The following C19orf18 variants were observed in gnomAD, a reference collection of about 807,000 sequenced individuals.
C19orf18 encodes the protein chromosome 19 open reading frame 18.
C19orf18 carries 21 observed loss-of-function variants against 23.3 expected under a neutral mutation model. That is an observed-to-expected ratio of 0.90 (90% CI 0.64 to 1.30). C19orf18 has a LOEUF of 1.30. Among genes scored for constraint, C19orf18 ranks in the 50% most tolerant of loss-of-function variants. The pLI is 0.00. For missense variants in C19orf18, 249 were observed against 259.6 expected, an observed-to-expected ratio of 0.96 and a Z score of 0.28; for synonymous variants, 96 against 95.2, an observed-to-expected ratio of 1.01 and a Z score of -0.05.
intron 3 of C19orf18, 118 bp from the exon 4 acceptor site, chr19:57,966,750 A>T (rs1477790177): frequency 3.0e-6 from 2 of 656,844 alleles, no homozygotes; most frequent in Non-Finnish European, 5.1e-6. Context: ...CACTTTCAAA[A>T]ATAGCTTGTT....
chr19:57,963,165 T>G (rs1478569696), intron 4 of C19orf18, among the ~76,000 whole-genome samples: 2 of 151,580 alleles, frequency 1.3e-5, no homozygotes, highest in African/African-American at 2.4e-5. Flanking sequence ...TAGCTGGGAT[T>G]ACAGGCATGT....
At chr19:57,967,647 G>A (rs1385911900) in intron 3 of C19orf18, among the ~76,000 whole-genome samples, 3 of 152,040 alleles carry the variant, frequency 2.0e-5, no homozygotes, top group Non-Finnish European at 4.4e-5. Flanking sequence ...AGCTACTCAG[G>A]AGGCTGAGGC....
intron 3 of C19orf18, among the ~76,000 whole-genome samples, chr19:57,970,556 C>A (rs1353008922): frequency 3.3e-5 from 5 of 151,848 alleles, no homozygotes; most frequent in Non-Finnish European, 7.4e-5. Flanking sequence ...ACAATTCTTA[C>A]TATGAGTAAG....
chr19:57,961,333 C>T (rs930037278), intron 5 of C19orf18, 58 bp downstream of exon 5: 18 of 1,476,078 alleles, frequency 1.2e-5, no homozygotes, highest in Admixed American at 4.5e-5. Context: ...AGAAAAGAAA[C>T]GCAAGCTGCC....
At position 57,973,145 on chromosome 19, in the gene C19orf18, C is replaced by CAAAAAAA. The variant is rs61625681; in HGVS notation, c.227-648_227-642dup. ...TGGGTGACAGAGTGAGACTCCGTCT[C>CAAAAAAA]AAAAAAAAAAAAAAAAAAAAAAAAA... On this transcript the variant is annotated intron_variant, in intron 2 of 5. Transcript: ENST00000314391. Among the ~76,000 whole-genome samples, 4 of 24,186 alleles carry CAAAAAAA rather than the reference C, an allele frequency of 1.7e-4. 1 individual carries two copies. Among genetic ancestry groups the CAAAAAAA allele is most frequent in the African/African-American group, 2.8e-4 (2 of 7,138 alleles). The allele number at this position is 24,186 out of a possible 152,430, so 15.9% of individuals were successfully genotyped here. A position where few individuals can be genotyped will look rare whatever the true frequency, so the allele number is the denominator to read the frequency against.
At chr19:57,971,678 C>T (rs2072945481) in intron 3 of C19orf18, among the ~76,000 whole-genome samples, 1 of 152,084 alleles carries the variant, frequency 6.6e-6, no homozygotes. Flanking sequence ...ACCATGTTAG[C>T]CAAGCTGGTC....
At chr19:57,972,023 G>C (rs1014423205) in intron 3 of C19orf18, among the ~76,000 whole-genome samples, 1 of 152,194 alleles carries the variant, frequency 6.6e-6, no homozygotes, top group African/African-American at 2.4e-5. Context: ...CAGGCACTTA[G>C]CAAATGTGCA....
chr19:57,969,896 A>AAAAG (rs1555787468), intron 3 of C19orf18, among the ~76,000 whole-genome samples: 2 of 150,962 alleles, frequency 1.3e-5, no homozygotes, highest in African/African-American at 4.9e-5. Context: ...AAAAAAAAAA[A>AAAAG]GTAATAGCAT....
At chr19:57,969,372 T>C (rs1236372990) in intron 3 of C19orf18, among the ~76,000 whole-genome samples, 5 of 150,724 alleles carry the variant, frequency 3.3e-5, no homozygotes, top group Non-Finnish European at 7.4e-5. Flanking sequence ...CTGGCCAACA[T>C]GGTGAAACCC....
chr19:57,973,911 C>T (rs1408368969), intron 2 of C19orf18, among the ~76,000 whole-genome samples, 188 bp downstream of exon 2: 1 of 152,082 alleles, frequency 6.6e-6, no homozygotes, highest in East Asian at 1.9e-4. Flanking sequence ...AAGTGGCAAT[C>T]CCTAAAGAGA....
At chr19:57,964,493 G>A (rs117003727) in intron 4 of C19orf18, among the ~76,000 whole-genome samples, 4,856 of 152,162 alleles carry the variant, frequency 0.032, 125 homozygotes, top group Non-Finnish European at 0.047. Flanking sequence ...TGTTGCCCAC[G>A]CTGGTCTCAA....
chr19:57,960,424 T>TGGG (rs1210577381), intron 5 of C19orf18, among the ~76,000 whole-genome samples: 1 of 68,936 alleles, frequency 1.5e-5, no homozygotes, highest in Non-Finnish European at 2.6e-5. Flanking sequence ...AGACTCCGCC[T>TGGG]CAAAAAAAAA....
chr19:57,967,158 G>A (rs1224487193), intron 3 of C19orf18, among the ~76,000 whole-genome samples: 1 of 152,126 alleles, frequency 6.6e-6, no homozygotes, highest in Non-Finnish European at 1.5e-5. Flanking sequence ...AGAGACCTGG[G>A]CAGAGGCCAT....
intron 3 of C19orf18, among the ~76,000 whole-genome samples, chr19:57,968,263 C>T (rs1382429563): frequency 1.3e-5 from 2 of 152,208 alleles, no homozygotes; most frequent in African/African-American, 4.8e-5. Context: ...CGCATCACCT[C>T]CTAAAGGCCC....
At chr19:57,973,354 C>A (rs1019899744) in intron 2 of C19orf18, among the ~76,000 whole-genome samples, 1 of 151,710 alleles carries the variant, frequency 6.6e-6, no homozygotes, top group African/African-American at 2.4e-5. Context: ...CAAAGATTGT[C>A]GGGGTTGGTT....
At chr19:57,958,775 C>G in intron 5 of C19orf18, 58 bp from the exon 6 acceptor site, 3 of 965,784 alleles carry the variant, frequency 3.1e-6, no homozygotes, top group Non-Finnish European at 4.5e-6. Flanking sequence ...AAAATGGAGA[C>G]AAAAGGGGTG....
intron 5 of C19orf18, 66 bp from the exon 6 acceptor site, chr19:57,958,783 G>A: frequency 2.2e-6 from 2 of 898,332 alleles, no homozygotes; most frequent in South Asian, 1.8e-5. Flanking sequence ...GACAAAAGGG[G>A]TGAGGGAAAA....
intron 2 of C19orf18, among the ~76,000 whole-genome samples, chr19:57,973,500 C>T (rs187023390): frequency 6.6e-6 from 1 of 152,034 alleles, no homozygotes; most frequent in South Asian, 2.1e-4. Flanking sequence ...CCGAGGCGGG[C>T]GGATCATGAG....
intron 4 of C19orf18, among the ~76,000 whole-genome samples, chr19:57,961,875 CTT>C (rs1303745962): frequency 2.6e-5 from 4 of 151,800 alleles, no homozygotes; most frequent in South Asian, 2.1e-4. Context: ...ATTCCTTTCT[CTT>C]CTCTTTTTCT....
Sources: gnomAD v4.1 joint callset for allele counts (sites outside exome capture counted in the v4.1 genomes callset) on GRCh38, gnomAD v4.1.1 for gene constraint, MANE v1.5 for transcripts, NCBI Gene and HGNC (gene_info 2026-07-23, HGNC 2026-07-21) for gene names.